The following FOXN3 variants were observed in gnomAD, a reference collection of about 807,000 sequenced individuals.
FOXN3 encodes forkhead box protein N3.
A neutral mutation model predicts 38.4 loss-of-function variants in FOXN3; 7 were observed. That is an observed-to-expected ratio of 0.18 (90% CI 0.10 to 0.34). FOXN3 has a LOEUF of 0.34. Ranked by LOEUF, FOXN3 falls within the 10% of genes least tolerant of loss-of-function variation. The pLI is 1.00. For synonymous variants in FOXN3, 230 were observed against 242.2 expected, an observed-to-expected ratio of 0.95 and a Z score of 0.47; for missense variants, 456 against 613.4, an observed-to-expected ratio of 0.74 and a Z score of 2.71.
At chr14:89,419,358 C>G (rs145888882), upstream of FOXN3, 54 of 363,024 alleles carry the variant, frequency 1.5e-4, no homozygotes, top group East Asian at 3.7e-3. Flanking sequence ...GGACTTGCTT[C>G]CTGACCTAGG....
intron 1 of FOXN3, among the ~76,000 whole-genome samples, chr14:89,435,770 C>T (rs1399204162): frequency 6.6e-6 from 1 of 152,174 alleles, no homozygotes; most frequent in African/African-American, 2.4e-5. Flanking sequence ...ACACCAGCTC[C>T]CTTTGAATCC....
chr14:89,468,456 A>C (rs1893026572), intron 1 of FOXN3, among the ~76,000 whole-genome samples: 1 of 148,622 alleles, frequency 6.7e-6, no homozygotes, highest in Admixed American at 6.7e-5. Flanking sequence ...TGTGTCTCAA[A>C]ACACACACAC....
At chr14:89,187,936 A>G (rs1887850548) in intron 4 of FOXN3, among the ~76,000 whole-genome samples, 1 of 152,148 alleles carries the variant, frequency 6.6e-6, no homozygotes, top group Non-Finnish European at 1.5e-5. Context: ...GGGACGGTGA[A>G]TGCAAAGGTA....
At chr14:89,586,614 T>C (rs1308066678) in intron 1 of FOXN3, among the ~76,000 whole-genome samples, 1 of 152,250 alleles carries the variant, frequency 6.6e-6, no homozygotes, top group African/African-American at 2.4e-5. Flanking sequence ...TGTTTTTTTG[T>C]TTGCTTATGC....
chr14:89,419,295 G>A, upstream of FOXN3: 1 of 444,588 alleles, frequency 2.2e-6, no homozygotes. Context: ...AAAGCCAAAG[G>A]AGGGCTTAAT....
intron 1 of FOXN3, among the ~76,000 whole-genome samples, chr14:89,477,786 G>A (rs1049704154): frequency 4.6e-5 from 7 of 152,074 alleles, no homozygotes; most frequent in East Asian, 1.9e-4. Context: ...TAAAGTGGCC[G>A]GCACGATGCC....
At position 89,180,938 on chromosome 14, in the gene FOXN3, A is replaced by G. The variant is rs1033498834; in HGVS notation, c.746-132T>C. 2.5e-5 allele frequency: 15 copies of G among 592,324 alleles called. No individual in the cohort carries two copies. In the African/African-American group the frequency reaches 3.5e-4, roughly 14 times the overall value. 36.7% of individuals were successfully genotyped at this position (592,324 alleles called of 1,614,324 possible). On this transcript the variant is annotated intron_variant, in intron 4 of 5. Transcript: ENST00000557258. ...AGGGCAGAGACAGAGAGAAACACAC[A>G]CACACACGTGCACATACACACACAC...
intron 1 of FOXN3, among the ~76,000 whole-genome samples, chr14:89,431,676 G>C (rs950906401): frequency 3.3e-4 from 50 of 152,170 alleles, no homozygotes; most frequent in African/African-American, 1.2e-3. Context: ...GGGAGGTACA[G>C]AGATTTCTCA....
chr14:89,208,734 A>G (rs943077063), intron 4 of FOXN3, among the ~76,000 whole-genome samples: 2 of 152,204 alleles, frequency 1.3e-5, no homozygotes, highest in Non-Finnish European at 2.9e-5. Flanking sequence ...GAATAATAGA[A>G]TTTTTGAGCT....
intron 1 of FOXN3, among the ~76,000 whole-genome samples, chr14:89,523,662 C>T (rs372226545): frequency 3.9e-5 from 6 of 152,122 alleles, no homozygotes; most frequent in East Asian, 3.9e-4. Context: ...AATGAAAACA[C>T]AACATACTAA....
chr14:89,241,670 T>A (rs74078138), intron 4 of FOXN3, among the ~76,000 whole-genome samples: 6,895 of 152,216 alleles, frequency 0.045, 345 homozygotes, highest in African/African-American at 0.12. Flanking sequence ...AACAGACAGT[T>A]GATTATAAAT....
intron 4 of FOXN3, among the ~76,000 whole-genome samples, chr14:89,248,626 T>A (rs1313326491): frequency 6.6e-6 from 1 of 152,232 alleles, no homozygotes; most frequent in African/African-American, 2.4e-5. Flanking sequence ...CTGTGCTACG[T>A]GAGGCAGTGG....
At chr14:89,521,007 C>A (rs1596306270) in intron 1 of FOXN3, among the ~76,000 whole-genome samples, 1 of 152,114 alleles carries the variant, frequency 6.6e-6, no homozygotes, top group East Asian at 1.9e-4. Context: ...TAAAAATTTC[C>A]TGAATGGGTT....
intron 3 of FOXN3, among the ~76,000 whole-genome samples, chr14:89,316,917 G>A (rs1234736864): frequency 1.3e-5 from 2 of 148,260 alleles, no homozygotes; most frequent in Non-Finnish European, 1.5e-5. Flanking sequence ...TGCCAGCCTT[G>A]GCCTCCCAAA....
intron 1 of FOXN3, among the ~76,000 whole-genome samples, chr14:89,438,798 T>C (rs1464620209): frequency 2.6e-5 from 4 of 152,098 alleles, no homozygotes; most frequent in Non-Finnish European, 4.4e-5. Context: ...TGTTTCACTC[T>C]TGTTGCCCAG....
chr14:89,262,619 A>G (rs1336441847), intron 4 of FOXN3, among the ~76,000 whole-genome samples: 1 of 152,224 alleles, frequency 6.6e-6, no homozygotes, highest in Non-Finnish European at 1.5e-5. Flanking sequence ...TTTCGGGAAA[A>G]CAAATACAAA....
chr14:89,591,168 G>C (rs899312607), intron 1 of FOXN3, among the ~76,000 whole-genome samples: 1 of 152,102 alleles, frequency 6.6e-6, no homozygotes, highest in South Asian at 2.1e-4. Flanking sequence ...AAAAGGGATC[G>C]CCTTATTTCC....
intron 2 of FOXN3, among the ~76,000 whole-genome samples, chr14:89,356,983 C>T (rs1170587535): frequency 2.6e-5 from 4 of 152,164 alleles, no homozygotes; most frequent in Non-Finnish European, 4.4e-5. Flanking sequence ...ACTGATATGA[C>T]GGTCCAGGAC....
At chr14:89,363,957 TA>T (rs1187158966) in intron 2 of FOXN3, among the ~76,000 whole-genome samples, 1 of 4,564 alleles carries the variant, frequency 2.2e-4, no homozygotes, top group African/African-American at 3.0e-4. Flanking sequence ...AATATATATA[TA>T]TATATATATA....
Sources: gnomAD v4.1 joint callset for allele counts (sites outside exome capture counted in the v4.1 genomes callset) on GRCh38, gnomAD v4.1.1 for gene constraint, MANE v1.5 for transcripts, NCBI Gene and HGNC (gene_info 2026-07-23, HGNC 2026-07-21) for gene names.